PAK1: variants seen among roughly 807,000 people sequenced by gnomAD.
PAK1 encodes p21 (RAC1) activated kinase 1.
In PAK1, 29 loss-of-function variants were observed where a neutral mutation model predicts 67.4. That is an observed-to-expected ratio of 0.43 (90% CI 0.32 to 0.59). The LOEUF is 0.59. PAK1 is among the 20% of genes least tolerant of loss of function. The pLI, the probability that PAK1 is intolerant of heterozygous loss-of-function variation, is 0.07. For synonymous variants in PAK1, 223 were observed against 237.4 expected, an observed-to-expected ratio of 0.94 and a Z score of 0.56; for missense variants, 337 against 670.7, an observed-to-expected ratio of 0.50 and a Z score of 5.50.
At chr11:77,479,330 A>G (rs1385681349), upstream of PAK1, among the ~76,000 whole-genome samples, 1 of 152,118 alleles carries the variant, frequency 6.6e-6, no homozygotes, top group Non-Finnish European at 1.5e-5. Flanking sequence ...AGACCCATCT[A>G]AGCCATTTCC....
the PAK1 span, among the ~76,000 whole-genome samples, chr11:77,479,866 C>T: frequency 2.0e-5 from 3 of 152,160 alleles, no homozygotes; most frequent in South Asian, 2.1e-4. Flanking sequence ...CCTCAGCCTC[C>T]CAAACTGCTG....
intron 5 of PAK1, among the ~76,000 whole-genome samples, chr11:77,373,334 AG>A (rs1377893474): frequency 1.3e-5 from 2 of 152,114 alleles, no homozygotes; most frequent in African/African-American, 4.8e-5. Context: ...CAGGAGTTTG[AG>A]AACACATAAT....
intron 8 of PAK1, among the ~76,000 whole-genome samples, chr11:77,350,968 T>A (rs1336690117): frequency 6.6e-6 from 1 of 152,074 alleles, no homozygotes; most frequent in African/African-American, 2.4e-5. Flanking sequence ...CAGGGGACTG[T>A]CTCCATGATT....
At chr11:77,519,831 A>T in the PAK1 span, among the ~76,000 whole-genome samples, 28 of 152,380 alleles carry the variant, frequency 1.8e-4, no homozygotes, top group African/African-American at 6.7e-4. Flanking sequence ...ATTTAGACAC[A>T]TGGACACACT....
intron 1 of PAK1, among the ~76,000 whole-genome samples, chr11:77,420,083 GAAGGGAGACATT>G (rs1254308653): frequency 6.6e-6 from 1 of 152,170 alleles, no homozygotes; most frequent in Non-Finnish European, 1.5e-5. Context: ...GAAGTGCAGA[GAAGGGAGACATT>G]AATTACACCT....
chr11:77,465,528 A>AT (rs942524923), intron 1 of PAK1, among the ~76,000 whole-genome samples: 6 of 151,162 alleles, frequency 4.0e-5, no homozygotes, highest in South Asian at 2.1e-4. Context: ...CTGGTTCTTT[A>AT]TTTTTTTTTA....
At chr11:77,503,726 G>A in the PAK1 span, among the ~76,000 whole-genome samples, 1 of 152,186 alleles carries the variant, frequency 6.6e-6, no homozygotes, top group Non-Finnish European at 1.5e-5. Flanking sequence ...TTTTCTGGGT[G>A]TGGTGGCACA....
the PAK1 span, among the ~76,000 whole-genome samples, chr11:77,498,540 CTTGTCTTACATTCATTTT>C: frequency 6.6e-6 from 1 of 152,100 alleles, no homozygotes; most frequent in African/African-American, 2.4e-5. Context: ...GCCTCTCTGC[CTTGTCTTACATTCATTTT>C]TTATCTATAT....
At chr11:77,343,760 C>A in intron 10 of PAK1, 59 bp downstream of exon 10, 1 of 1,003,512 alleles carries the variant, frequency 1.0e-6, no homozygotes, top group South Asian at 1.3e-5. Context: ...TCTCTAACAG[C>A]TTCACCACCA....
chr11:77,361,521 A>C (rs536141893), intron 5 of PAK1, among the ~76,000 whole-genome samples: 58 of 152,330 alleles, frequency 3.8e-4, no homozygotes, highest in Non-Finnish European at 7.6e-4. Context: ...CTAGAATAAG[A>C]AACCACTGGA....
At chr11:77,451,700 T>C (rs1159782008) in intron 1 of PAK1, among the ~76,000 whole-genome samples, 1 of 150,576 alleles carries the variant, frequency 6.6e-6, no homozygotes, top group African/African-American at 2.5e-5. Flanking sequence ...CCTGGGTTCA[T>C]GCCATTCTCC....
At chr11:77,475,569 C>T (rs1256895107), upstream of PAK1, 1 of 152,174 alleles carries the variant, frequency 6.6e-6, no homozygotes, top group African/African-American at 2.4e-5. Flanking sequence ...GAAATATTAA[C>T]GTTATTTGAA....
At chr11:77,470,353 C>T (rs933188800) in intron 1 of PAK1, among the ~76,000 whole-genome samples, 11 of 152,290 alleles carry the variant, frequency 7.2e-5, no homozygotes, top group African/African-American at 2.6e-4. Context: ...TCATATACCA[C>T]CTTTTTTCAT....
At chr11:77,358,379 A>G (rs1054286833) in intron 6 of PAK1, among the ~76,000 whole-genome samples, 6 of 152,186 alleles carry the variant, frequency 3.9e-5, no homozygotes, top group African/African-American at 9.7e-5. Flanking sequence ...AGGAAGTTAA[A>G]TAGAAATCAC....
chr11:77,330,341 C>A (rs1377324232), intron 14 of PAK1, among the ~76,000 whole-genome samples: 2 of 151,958 alleles, frequency 1.3e-5, no homozygotes, highest in East Asian at 1.9e-4. Flanking sequence ...ATCCTAAGCC[C>A]AAAGAACAAA....
intron 1 of PAK1, among the ~76,000 whole-genome samples, chr11:77,421,961 C>T (rs1955287385): frequency 1.3e-5 from 2 of 152,128 alleles, no homozygotes; most frequent in Non-Finnish European, 2.9e-5. Flanking sequence ...AGTTTTCCTC[C>T]CTTTGCTTAT....
At position 77,453,923 on chromosome 11, in the gene PAK1, A is replaced by G. The variant is rs531297295; in HGVS notation, c.-22+19629T>C. 2.9e-4 allele frequency among the ~76,000 whole-genome samples: 44 copies of G among 152,284 alleles called. 1 individual carries two copies. Among genetic ancestry groups the G allele is most frequent in the South Asian group, 2.1e-3 (10 of 4,822 alleles). The stretch of plus-strand genomic sequence containing the variant: ...GGCGAAACCCCATCTCTACAAAAAA[A>G]TACAAAAAAATTAACTGGGTATGGT... On this transcript the variant is annotated intron_variant, in intron 1 of 14. Transcript: ENST00000356341.
rs1015221158 is a variant in PAK1 at position 77,322,318 on chromosome 11, G to C, written c.*956C>G. ...CAAATCCATCCAGAACTAACATGCA[G>C]TCTCTAATTTGGAGACTCTTTATTG... is the stretch of plus-strand genomic sequence containing the variant. On this transcript the variant is annotated 3_prime_UTR_variant, in exon 15 of 15. Transcript: ENST00000356341. The C allele has an allele frequency of 5.1e-6, 1 of 195,464 alleles. No homozygotes were observed. Among genetic ancestry groups the C allele is most frequent in the Non-Finnish European group, 1.1e-5 (1 of 94,046 alleles). The allele number at this position is 195,464 out of a possible 1,614,324, so 12.1% of individuals were successfully genotyped here.
chr11:77,439,907 T>C (rs1407609403), intron 1 of PAK1, among the ~76,000 whole-genome samples: 1 of 152,166 alleles, frequency 6.6e-6, no homozygotes, highest in Non-Finnish European at 1.5e-5. Context: ...GCCACTGGCT[T>C]CTCAGGTCAC....
Sources: allele counts gnomAD v4.1 joint callset (sites outside exome capture counted in the v4.1 genomes callset), GRCh38; gene constraint gnomAD v4.1.1; transcripts MANE v1.5; gene names NCBI Gene and HGNC (gene_info 2026-07-23, HGNC 2026-07-21).